FAAH2: variants seen among roughly 807,000 people sequenced by gnomAD.
FAAH2 encodes fatty-acid amide hydrolase 2.
FAAH2 carries 60 observed loss-of-function variants against 36.9 expected under a neutral mutation model. The observed-to-expected ratio is 1.63, with a 90% confidence interval of 1.32 to 2.02. The LOEUF (loss-of-function observed/expected upper bound fraction) is 2.02. Ranked by LOEUF, FAAH2 falls within the 30% of genes most tolerant of loss-of-function variation. The pLI, the probability that FAAH2 is intolerant of heterozygous loss-of-function variation, is 0.00. For missense variants in FAAH2, 689 were observed against 397.5 expected, an observed-to-expected ratio of 1.73 and a Z score of -6.23; for synonymous variants, 214 against 143.8, an observed-to-expected ratio of 1.49 and a Z score of -3.49.
chrX:57,318,846 G>A (rs1169660411), intron 3 of FAAH2, among the ~76,000 whole-genome samples: 1 of 111,540 alleles, frequency 9.0e-6, no homozygotes, highest in Non-Finnish European at 1.9e-5. Flanking sequence ...TTCATCCTTG[G>A]GATACAAGGC....
the FAAH2 span, among the ~76,000 whole-genome samples, chrX:57,230,356 A>C: frequency 8.9e-6 from 1 of 112,126 alleles, no homozygotes; most frequent in Non-Finnish European, 1.9e-5. Flanking sequence ...AACTATCAAG[A>C]GGTAGAATAG....
At chrX:57,316,939 G>A (rs2052857094) in intron 3 of FAAH2, among the ~76,000 whole-genome samples, 1 of 111,429 alleles carries the variant, frequency 9.0e-6, no homozygotes, top group Non-Finnish European at 1.9e-5. Flanking sequence ...ACCATCAACA[G>A]AATAAACAGG....
chrX:57,371,856 T>G (rs2054560130), intron 5 of FAAH2, among the ~76,000 whole-genome samples: 2 of 111,598 alleles, frequency 1.8e-5, no homozygotes, highest in Non-Finnish European at 3.8e-5. Context: ...ATGTCAATGT[T>G]TACCCAATGT....
At chrX:57,487,725 T>C (rs1258664391) in intron 10 of FAAH2, among the ~76,000 whole-genome samples, 2 of 112,211 alleles carry the variant, frequency 1.8e-5, no homozygotes, top group Non-Finnish European at 3.8e-5. Flanking sequence ...TTTCTTAAAA[T>C]GTTAAATGTA....
the FAAH2 span, among the ~76,000 whole-genome samples, chrX:57,169,085 G>A: frequency 9.0e-6 from 1 of 111,110 alleles, no homozygotes; most frequent in African/African-American, 3.3e-5. Context: ...TCTTCACATG[G>A]CTTTGCTTCT....
intron 8 of FAAH2, among the ~76,000 whole-genome samples, chrX:57,441,413 T>C (rs923576053): frequency 9.0e-6 from 1 of 111,635 alleles, no homozygotes; most frequent in Non-Finnish European, 1.9e-5. Context: ...TATTCTCTGA[T>C]GGTAGTTTGT....
At chrX:57,379,536 C>CTT (rs2054782139) in intron 6 of FAAH2, among the ~76,000 whole-genome samples, 1 of 107,550 alleles carries the variant, frequency 9.3e-6, no homozygotes, top group African/African-American at 3.5e-5. Context: ...CTCTCGCTCT[C>CTT]TCTCTCTCTC....
intron 8 of FAAH2, among the ~76,000 whole-genome samples, chrX:57,444,343 C>T (rs996611411): frequency 4.8e-4 from 54 of 112,080 alleles, no homozygotes; most frequent in African/African-American, 1.7e-3. Context: ...TGCCACCTTG[C>T]AGTTTGATCT....
intron 1 of FAAH2, among the ~76,000 whole-genome samples, chrX:57,288,045 A>C (rs2051859840): frequency 9.0e-6 from 1 of 111,527 alleles, no homozygotes; most frequent in African/African-American, 3.3e-5. Context: ...CGGTTGGTGC[A>C]AAAGTAATTG....
intron 1 of FAAH2, among the ~76,000 whole-genome samples, chrX:57,287,381 C>G (rs1255156014): frequency 9.0e-6 from 1 of 111,043 alleles, no homozygotes; most frequent in Non-Finnish European, 1.9e-5. Flanking sequence ...CTCTATTCTT[C>G]CGTCTCTCAC....
intron 7 of FAAH2, among the ~76,000 whole-genome samples, chrX:57,424,092 G>A (rs1356948430): frequency 9.0e-6 from 1 of 111,718 alleles, no homozygotes; most frequent in African/African-American, 3.3e-5. Flanking sequence ...TACCCACCTG[G>A]TACATTAAGA....
intron 7 of FAAH2, among the ~76,000 whole-genome samples, chrX:57,421,180 C>T (rs1170649468): frequency 2.7e-5 from 3 of 111,952 alleles, no homozygotes; most frequent in Non-Finnish European, 1.9e-5. Flanking sequence ...GTGAAGTGGC[C>T]CACACCTTTA....
intron 5 of FAAH2, among the ~76,000 whole-genome samples, chrX:57,344,123 CTT>C (rs200254063): frequency 9.9e-6 from 1 of 101,427 alleles, no homozygotes. Flanking sequence ...TTTAGAATAG[CTT>C]TTTTTTTTTT....
At chrX:57,392,997 T>A in intron 7 of FAAH2, 3 of 920,386 alleles carry the variant, frequency 3.3e-6, no homozygotes, top group Non-Finnish European at 4.8e-6. Flanking sequence ...GAGCTTGAGG[T>A]CATAAAGGAG....
the FAAH2 span, among the ~76,000 whole-genome samples, chrX:57,225,283 T>A: frequency 1.8e-5 from 2 of 111,561 alleles, no homozygotes; most frequent in Admixed American, 9.5e-5. Flanking sequence ...TTTAGGGCTA[T>A]GAACTTTCCT....
At chrX:57,371,696 C>G (rs2054556333) in intron 5 of FAAH2, among the ~76,000 whole-genome samples, 1 of 109,021 alleles carries the variant, frequency 9.2e-6, no homozygotes, top group African/African-American at 3.3e-5. Flanking sequence ...TGCAAGGTTT[C>G]TAAAAAGGTA....
At chrX:57,127,741 C>G in the FAAH2 span, among the ~76,000 whole-genome samples, 1 of 111,112 alleles carries the variant, frequency 9.0e-6, no homozygotes, top group Non-Finnish European at 1.9e-5. Flanking sequence ...TGCCACCTCT[C>G]AGGATGTCCC....
chrX:57,447,917 C>A (rs746286573), intron 9 of FAAH2, among the ~76,000 whole-genome samples: 1 of 112,151 alleles, frequency 8.9e-6, no homozygotes. Flanking sequence ...TTTCTGCAGC[C>A]GGCTTGAATT....
At chrX:57,214,550 C>A in the FAAH2 span, among the ~76,000 whole-genome samples, 2 of 111,477 alleles carry the variant, frequency 1.8e-5, no homozygotes, top group Non-Finnish European at 3.8e-5. Flanking sequence ...CCTCAGCCTC[C>A]TGAGTAGCTG....
Sources: gnomAD v4.1 joint callset for allele counts (sites outside exome capture counted in the v4.1 genomes callset) on GRCh38, gnomAD v4.1.1 for gene constraint, MANE v1.5 for transcripts, NCBI Gene and HGNC (gene_info 2026-07-23, HGNC 2026-07-21) for gene names.